Variants in CR1 observed in about 807,000 individuals in gnomAD.
CR1 encodes complement C3b/C4b receptor 1 (Knops blood group), also known as complement receptor type 1.
Under a neutral mutation model 187.3 loss-of-function variants are expected in CR1, and 116 were observed. That is an observed-to-expected ratio of 0.62 (90% confidence interval 0.53 to 0.72). The LOEUF is 0.72. CR1 is among the 30% of genes least tolerant of loss of function. CR1 has a pLI of 0.00. For missense variants in CR1, 1,731 were observed against 2,110.7 expected, an observed-to-expected ratio of 0.82 and a Z score of 3.52; for synonymous variants, 576 against 747.1, an observed-to-expected ratio of 0.77 and a Z score of 3.73.
At chr1:207,510,729 C>T (rs905992571) in intron 3 of CR1, among the ~76,000 whole-genome samples, 1 of 149,924 alleles carries the variant, frequency 6.7e-6, no homozygotes, top group Non-Finnish European at 1.5e-5. Context: ...GTATCCCCTT[C>T]CTTCCTTCCT....
rs1193470562 is a variant in CR1, at chr1:207,623,181, T to C, written c.7352+113T>C. 9.6e-6 allele frequency: 7 copies of C among 731,382 alleles called. No individual in the cohort carries two copies. The East Asian group carries it at 1.6e-4, about 17-fold the overall frequency. The allele number at this position is 731,382 out of a possible 1,614,324, so 45.3% of individuals were successfully genotyped here. A position where few individuals can be genotyped will look rare whatever the true frequency, so the allele number is the denominator to read the frequency against. ...TTGCTACATAAACAGATGTGGTAAT[T>C]CTTATAAAGAAAGTCCTTGACACAC... On this transcript the variant is annotated intron_variant, in intron 45 of 46. Coordinates refer to ENST00000367049, the MANE Select transcript of CR1 (RefSeq NM_000651.6).
Position 207,640,835 on chromosome 1 carries a change from C to T in CR1, c.*1426C>T, listed in dbSNP as rs561254725. On this transcript the variant is annotated 3_prime_UTR_variant, in exon 47 of 47. Transcript: ENST00000367049. ...TAGTTGCTTTAAAGGTGAATTTTGC[C>T]ACATTTACTTTGACAGCAGTATAAG... is the stretch of plus-strand genomic sequence containing the variant. The T allele has an allele frequency of 2.0e-5, 3 of 151,926 alleles. No homozygotes were observed. The highest frequency in any genetic ancestry group is 7.2e-5 in the African/African-American group (3 of 41,416). 9.4% of individuals were successfully genotyped at this position (151,926 alleles called of 1,614,324 possible).
intron 35 of CR1, among the ~76,000 whole-genome samples, chr1:207,592,344 C>T (rs954474969): frequency 6.6e-6 from 1 of 152,070 alleles, no homozygotes; most frequent in Admixed American, 6.5e-5. Context: ...TGATAAAAAC[C>T]ACATGATTAT....
At chr1:207,517,282 G>A (rs1044494654) in intron 4 of CR1, among the ~76,000 whole-genome samples, 4 of 151,826 alleles carry the variant, frequency 2.6e-5, no homozygotes, top group Non-Finnish European at 4.4e-5. Context: ...GGGGATATGC[G>A]TGTGTGTGTG....
intron 35 of CR1, among the ~76,000 whole-genome samples, chr1:207,600,285 C>T (rs1371612940): frequency 2.0e-5 from 3 of 152,030 alleles, no homozygotes; most frequent in Non-Finnish European, 2.9e-5. Context: ...AATAAAAATA[C>T]AAATTGGCAA....
intron 1 of CR1, among the ~76,000 whole-genome samples, chr1:207,499,123 C>G (rs915090716): frequency 3.9e-5 from 6 of 151,998 alleles, no homozygotes; most frequent in African/African-American, 1.4e-4. Context: ...ACAACAAGAC[C>G]GTTTTAAATA....
intron 1 of CR1, among the ~76,000 whole-genome samples, chr1:207,501,451 T>C (rs1385879387): frequency 1.3e-5 from 2 of 152,196 alleles, no homozygotes; most frequent in Non-Finnish European, 2.9e-5. Flanking sequence ...AGGTCTTCAG[T>C]TTGTGGATTT....
At position 207,631,083 on chromosome 1, in the gene CR1, A is replaced by ACTGCT. The variant is rs200891861; in HGVS notation, c.7457+464_7457+468dup. ...TTCTCTACTTCATTTGGCCTCTTTG[A>ACTGCT]CTGCTCCTTCTTTTGGTCCTCATTC... On this transcript the variant is annotated intron_variant, in intron 46 of 46. Transcript: ENST00000367049. 7.9e-3 allele frequency among the ~76,000 whole-genome samples: 1,198 copies of ACTGCT among 152,182 alleles called. 21 individuals are homozygous for ACTGCT. Among genetic ancestry groups the ACTGCT allele is most frequent in the African/African-American group, 0.027 (1,133 of 41,510 alleles).
chr1:207,581,141 C>T (rs112464403), intron 31 of CR1, among the ~76,000 whole-genome samples: 4,883 of 151,054 alleles, frequency 0.032, 278 homozygotes, highest in African/African-American at 0.11. Context: ...CATATGGACA[C>T]GTATATGTAT....
chr1:207,620,155 T>TACATGGCAAGC, intron 43 of CR1, 90 bp downstream of exon 43: 1 of 1,303,446 alleles, frequency 7.7e-7, no homozygotes, highest in Non-Finnish European at 1.1e-6. Context: ...TAGTGTGATG[T>TACATGGCAAGC]TTATGGCATA....
Position 207,607,285 on chromosome 1 carries a change from C to A in CR1, c.5845C>A (p.Leu1949Ile), listed in dbSNP as rs770142826. The A allele has an allele frequency of 4.3e-6, 7 of 1,613,476 alleles. No individual in the cohort carries two copies. Among genetic ancestry groups the A allele is most frequent in the Non-Finnish European group, 5.9e-6 (7 of 1,179,602 alleles). Residue 1949 changes from leucine (L) to isoleucine (I), a missense_variant, in exon 36 of 47, where the codon CTC becomes ATC. By Grantham distance (5) the Leu-to-Ile change is conservative. Coordinates refer to ENST00000367049, the MANE Select transcript of CR1 (RefSeq NM_000651.6). Reference sequence around the variant, plus strand: ...CATTGGTTCCCCATCTACTACTTGTCTCGTCTCAGGCAATAATGTCACATG... The same window carrying A: ...CATTGGTTCCCCATCTACTACTTGTATCGTCTCAGGCAATAATGTCACATG... ...RLIGSPSTTC[L>I]VSGNNVTWDK...
chr1:207,566,982 T>A (rs554182971), intron 24 of CR1, among the ~76,000 whole-genome samples: 2 of 150,322 alleles, frequency 1.3e-5, no homozygotes, highest in African/African-American at 5.0e-5. Context: ...CTTGAAGCAG[T>A]ATGACAAGTG....
At chr1:207,623,139 A>G in intron 45 of CR1, 71 bp downstream of exon 45, 2 of 1,084,790 alleles carry the variant, frequency 1.8e-6, no homozygotes, top group Non-Finnish European at 1.3e-6. Context: ...AAAGAAAGTA[A>G]AAGACAAACA....
chr1:207,614,554 C>T lies in CR1; in HGVS notation c.6661+65C>T, dbSNP rs535217920. 8.0e-5 allele frequency: 101 copies of T among 1,257,768 alleles called. 1 individual carries two copies. The highest frequency in any genetic ancestry group is 8.0e-4 in the African/African-American group (54 of 67,376). The allele number at this position is 1,257,768 out of a possible 1,614,324, so 77.9% of individuals were successfully genotyped here. On this transcript the variant is annotated intron_variant, in intron 40 of 46. Coordinates refer to ENST00000367049, the MANE Select transcript of CR1 (RefSeq NM_000651.6). Reference sequence around the variant, plus strand: ...ATTTTCGTTTTCCAGCATGTTTTTCCGCATGGCATCACCTGTTGTCTAGAT... The same window carrying T: ...ATTTTCGTTTTCCAGCATGTTTTTCTGCATGGCATCACCTGTTGTCTAGAT...
chr1:207,574,307 T>C (rs1660667632), intron 27 of CR1, among the ~76,000 whole-genome samples: 1 of 152,130 alleles, frequency 6.6e-6, no homozygotes, highest in Non-Finnish European at 1.5e-5. Flanking sequence ...GAAAATATAA[T>C]ACCCGCAAAA....
chr1:207,585,009 A>G, intron 33 of CR1, 133 bp downstream of exon 33: 1 of 1,372,402 alleles, frequency 7.3e-7, no homozygotes, highest in Non-Finnish European at 9.9e-7. Flanking sequence ...AAAATTACAT[A>G]CCATAGCTAA....
chr1:207,639,325 C>A, intron 46 of CR1, 72 bp from the exon 47 acceptor site: 1 of 1,394,852 alleles, frequency 7.2e-7, no homozygotes, highest in Non-Finnish European at 1.0e-6. Context: ...CAAAGCTTAT[C>A]AGCCTGTAAA....
intron 33 of CR1, among the ~76,000 whole-genome samples, chr1:207,585,281 A>G (rs1159377703): frequency 6.6e-6 from 1 of 152,230 alleles, no homozygotes; most frequent in Admixed American, 6.5e-5. Context: ...GCAAAGTTCA[A>G]AATTGGAAAT....
chr1:207,622,456 G>T (rs1662341177), intron 44 of CR1, among the ~76,000 whole-genome samples: 1 of 152,132 alleles, frequency 6.6e-6, no homozygotes, highest in African/African-American at 2.4e-5. Context: ...GCTTCCAAGG[G>T]AATACTGTGG....
Sources: allele counts gnomAD v4.1 joint callset (sites outside exome capture counted in the v4.1 genomes callset), GRCh38; gene constraint gnomAD v4.1.1; transcripts MANE v1.5; gene names NCBI Gene and HGNC (gene_info 2026-07-23, HGNC 2026-07-21).